C1orf74: variants seen among roughly 807,000 people sequenced by gnomAD.
The protein encoded by C1orf74 is chromosome 1 open reading frame 74.
A neutral mutation model predicts 7.3 loss-of-function variants in C1orf74; 5 were observed. The observed-to-expected ratio is 0.68, with a 90% CI of 0.36 to 1.44. C1orf74 has a LOEUF of 1.44. C1orf74 is among the 40% of genes most tolerant of loss of function. C1orf74 has a pLI of 0.04. For missense variants in C1orf74, 291 were observed against 314.3 expected (o/e 0.93, Z 0.56); for synonymous variants, 121 against 132.5 (o/e 0.91, Z 0.59).
In C1orf74 at chr1:209,780,566, T is replaced by C; in HGVS notation, c.*2259A>G. The C allele has an allele frequency of 6.2e-7, 1 of 1,600,570 alleles. No homozygotes were observed. The highest frequency in any genetic ancestry group is 1.1e-5 in the South Asian group (1 of 89,366). ...AAAGACTGGGATCTCAGAGACCAGC[T>C]GCAAAAGAAGACTTTGCAGCTCCAG... On this transcript the variant is annotated 3_prime_UTR_variant, in exon 2 of 2. Transcript: ENST00000294811.
In C1orf74 at chr1:209,781,973, G is replaced by T; in HGVS notation, c.*852C>A. The T allele has an allele frequency of 1.7e-6, 2 of 1,149,388 alleles. No individual in the cohort carries two copies. Among genetic ancestry groups the T allele is most frequent in the East Asian group, 2.4e-5 (1 of 42,434 alleles). 71.2% of individuals were successfully genotyped at this position (1,149,388 alleles called of 1,614,324 possible). A position where few individuals can be genotyped will look rare whatever the true frequency, so the allele number is the denominator to read the frequency against. On this transcript the variant is annotated 3_prime_UTR_variant, in exon 2 of 2. Transcript: ENST00000294811. ...CAACCCAGCGTTTTCCACTGGGCTA[G>T]AGTAGGAAGAAGAAAGATTTTTGCC...
rs2077799777 is a variant in C1orf74 at position 209,782,342 on chromosome 1, A to C, written c.*483T>G. 1 of 580,592 alleles carries C rather than the reference A, an allele frequency of 1.7e-6. No homozygotes were observed. Among genetic ancestry groups the C allele is most frequent in the Non-Finnish European group, 3.1e-6 (1 of 322,888 alleles). The allele number at this position is 580,592 out of a possible 1,614,324, so 36.0% of individuals were successfully genotyped here. ...CTCAGAACTCTCAGTTTATTCCTGA[A>C]TGGTGTATTACATTAACAAGTATCA... On this transcript the variant is annotated 3_prime_UTR_variant, in exon 2 of 2. Coordinates refer to ENST00000294811, the MANE Select transcript of C1orf74 (RefSeq NM_152485.4).
In C1orf74 at chr1:209,780,525, G is replaced by A; in HGVS notation, c.*2300C>T. The A allele has an allele frequency of 1.2e-6, 2 of 1,604,286 alleles. No individual in the cohort carries two copies. Among genetic ancestry groups the A allele is most frequent in the South Asian group, 1.1e-5 (1 of 89,828 alleles). ...CCTTCCCTAACGAAGTGGAGCCTGA[G>A]GGTACAGGGAAGGAGAAAGACTGGG... On this transcript the variant is annotated 3_prime_UTR_variant, in exon 2 of 2. Coordinates refer to ENST00000294811, the MANE Select transcript of C1orf74 (RefSeq NM_152485.4).
chr1:209,784,182 C>A (rs2102530441), intron 1 of C1orf74, among the ~76,000 whole-genome samples, 196 bp downstream of exon 1: 1 of 152,276 alleles, frequency 6.6e-6, no homozygotes, highest in Non-Finnish European at 1.5e-5. Context: ...AACCATCTCA[C>A]CCTGACACAT....
In C1orf74 at chr1:209,781,748, G is replaced by A. The variant is rs1224131377; in HGVS notation, c.*1077C>T. On this transcript the variant is annotated 3_prime_UTR_variant, in exon 2 of 2. Transcript: ENST00000294811. ...GATAAGCATGGTGGCAAGAACAGAA[G>A]GACACAAAAGTACTGGGGAATACAA... 6.2e-6 allele frequency: 3 copies of A among 483,666 alleles called. No individual in the cohort carries two copies. Among genetic ancestry groups the A allele is most frequent in the East Asian group, 7.3e-5 (2 of 27,538 alleles). 30.0% of individuals were successfully genotyped at this position (483,666 alleles called of 1,614,324 possible). A position where few individuals can be genotyped will look rare whatever the true frequency, so the allele number is the denominator to read the frequency against.
rs370271066 is a variant in C1orf74, at chr1:209,781,333, T to C, written c.*1492A>G. ...GAAGTGACAGTGATGACTTTGGTGA[T>C]GTTCTCCCCAGTGCAGAGAACTGCA... On this transcript the variant is annotated 3_prime_UTR_variant, in exon 2 of 2. Coordinates refer to ENST00000294811, the MANE Select transcript of C1orf74 (RefSeq NM_152485.4). The C allele has an allele frequency of 1.4e-5, 22 of 1,571,950 alleles. No individual in the cohort carries two copies. The highest frequency in any genetic ancestry group is 1.9e-5 in the Non-Finnish European group (22 of 1,142,984).
In C1orf74 at chr1:209,780,304, G is replaced by T; in HGVS notation, c.*2521C>A. ...CCAGCTGTCTGTCCAAGCTTAGCAG[G>T]GGCCTACTGGAAGTTAACCTTTATG... On this transcript the variant is annotated 3_prime_UTR_variant, in exon 2 of 2. Transcript: ENST00000294811. 1.9e-6 allele frequency: 1 copy of T among 516,088 alleles called. No homozygotes were observed. Among genetic ancestry groups the T allele is most frequent in the Non-Finnish European group, 3.2e-6 (1 of 312,812 alleles). 32.0% of individuals were successfully genotyped at this position (516,088 alleles called of 1,614,324 possible).
Position 209,781,834 on chromosome 1 carries a change from A to G in C1orf74, c.*991T>C, listed in dbSNP as rs1381561635. ...CTTCATTATTCATATCAGTATTTAT[A>G]TATCTGGTCCCTGATGGATACGGCT... is the stretch of plus-strand genomic sequence containing the variant. On this transcript the variant is annotated 3_prime_UTR_variant, in exon 2 of 2. Transcript: ENST00000294811. 3.5e-6 allele frequency: 2 copies of G among 564,214 alleles called. No homozygotes were observed. The highest frequency in any genetic ancestry group is 6.3e-6 in the Non-Finnish European group (2 of 315,260). The allele number at this position is 564,214 out of a possible 1,614,324, so 35.0% of individuals were successfully genotyped here.
rs1477478058 is a variant in C1orf74, at chr1:209,780,925, AAAGAGT to A, written c.*1894_*1899del. On this transcript the variant is annotated 3_prime_UTR_variant, in exon 2 of 2. Coordinates refer to ENST00000294811, the MANE Select transcript of C1orf74 (RefSeq NM_152485.4). ...TATCTTAAGTCTTTATATGTCTCTT[AAAGAGT>A]AAAACTCTTCCTTTGTACATACTCA... is the stretch of plus-strand genomic sequence containing the variant. 1.1e-5 allele frequency: 2 copies of A among 189,034 alleles called. No individual in the cohort carries two copies. Among genetic ancestry groups the A allele is most frequent in the Non-Finnish European group, 2.2e-5 (2 of 91,454 alleles). 11.7% of individuals were successfully genotyped at this position (189,034 alleles called of 1,614,324 possible). A position where few individuals can be genotyped will look rare whatever the true frequency, so the allele number is the denominator to read the frequency against.
At position 209,783,054 on chromosome 1, in the gene C1orf74, C is replaced by T. The variant is rs141586492; in HGVS notation, c.581G>A (p.Cys194Tyr). 659 of 1,614,052 alleles carry T rather than the reference C, an allele frequency of 4.1e-4. No individual in the cohort carries two copies. The highest frequency in any genetic ancestry group is 5.2e-4 in the Admixed American group (31 of 59,998). ...TFHLNQGDDN[C>Y]LALTPLRVFT... ...TACTCGTAGTGGAGTCAGAGCTAAG[C>T]AGTTGTCATCTCCCTGGTTCAGGTG... The change falls in exon 2 of 2, where the codon TGC (cysteine) becomes TAC (tyrosine). Residue 194 changes from cysteine (C) to tyrosine (Y), a missense_variant. Cys to Tyr is a radical substitution (Grantham distance 194). Coordinates refer to ENST00000294811, the MANE Select transcript of C1orf74 (RefSeq NM_152485.4).
At position 209,779,449 on chromosome 1, in the gene C1orf74, C is replaced by T. The variant is rs1297662193; in HGVS notation, c.*3376G>A. 2.3e-5 allele frequency: 30 copies of T among 1,315,024 alleles called. No homozygotes were observed. Among genetic ancestry groups the T allele is most frequent in the East Asian group, 4.6e-5 (2 of 43,050 alleles). The allele number at this position is 1,315,024 out of a possible 1,614,324, so 81.5% of individuals were successfully genotyped here. On this transcript the variant is annotated 3_prime_UTR_variant, in exon 2 of 2. Coordinates refer to ENST00000294811, the MANE Select transcript of C1orf74 (RefSeq NM_152485.4). Reference sequence around the variant, plus strand: ...TGCCTAGAGGCAGCGGGATGGACTACATGACCTCCTGGAGTCCCAGCCAGT... The same window carrying T: ...TGCCTAGAGGCAGCGGGATGGACTATATGACCTCCTGGAGTCCCAGCCAGT...
chr1:209,781,776 A>G lies in C1orf74; in HGVS notation c.*1049T>C. On this transcript the variant is annotated 3_prime_UTR_variant, in exon 2 of 2. Transcript: ENST00000294811. ...CACAAAAGTACTGGGGAATACAAAG[A>G]AAGAATATAATTTTGCTGGGTTATT... is the stretch of plus-strand genomic sequence containing the variant. The G allele has an allele frequency of 2.0e-6, 1 of 499,632 alleles. No individual in the cohort carries two copies. The highest frequency in any genetic ancestry group is 3.4e-5 in the East Asian group (1 of 29,092). 30.9% of individuals were successfully genotyped at this position (499,632 alleles called of 1,614,324 possible).
chr1:209,783,688 A>G lies in C1orf74; in HGVS notation c.-54T>C. 1 of 1,443,900 alleles carries G rather than the reference A, an allele frequency of 6.9e-7. No individual in the cohort carries two copies. The highest frequency in any genetic ancestry group is 1.4e-5 in the South Asian group (1 of 74,010). 89.4% of individuals were successfully genotyped at this position (1,443,900 alleles called of 1,614,324 possible). ...TTCCCTTCCCTGGGTGGCATCTTTC[A>G]GCCAGACACTTGAGGAGGGGCCTAG... On this transcript the variant is annotated 5_prime_UTR_variant, in exon 2 of 2. Coordinates refer to ENST00000294811, the MANE Select transcript of C1orf74 (RefSeq NM_152485.4).
chr1:209,781,533 A>T lies in C1orf74; in HGVS notation c.*1292T>A, dbSNP rs915431413. 1.4e-5 allele frequency: 16 copies of T among 1,116,908 alleles called. No homozygotes were observed. The highest frequency in any genetic ancestry group is 2.0e-5 in the Non-Finnish European group (15 of 736,050). 69.2% of individuals were successfully genotyped at this position (1,116,908 alleles called of 1,614,324 possible). A position where few individuals can be genotyped will look rare whatever the true frequency, so the allele number is the denominator to read the frequency against. ...TTCTTTAACCAAGTTTTGCACATAA[A>T]ATATATCAGCCCACGCCAACAACTG... is the stretch of plus-strand genomic sequence containing the variant. On this transcript the variant is annotated 3_prime_UTR_variant, in exon 2 of 2. Transcript: ENST00000294811.
chr1:209,780,692 G>A lies in C1orf74; in HGVS notation c.*2133C>T, dbSNP rs1220609175. ...GCAGTCAAAAAGCAGGGATTTCAAA[G>A]TTTAAGTTGTGAGTGGATAACCACA... On this transcript the variant is annotated 3_prime_UTR_variant, in exon 2 of 2. Transcript: ENST00000294811. The A allele has an allele frequency of 7.6e-7, 1 of 1,317,300 alleles. No individual in the cohort carries two copies. The highest frequency in any genetic ancestry group is 1.0e-6 in the Non-Finnish European group (1 of 998,736). 81.6% of individuals were successfully genotyped at this position (1,317,300 alleles called of 1,614,324 possible).
In C1orf74 at chr1:209,779,604, C is replaced by G; in HGVS notation, c.*3221G>C. 1 of 652,486 alleles carries G rather than the reference C, an allele frequency of 1.5e-6. No individual in the cohort carries two copies. Among genetic ancestry groups the G allele is most frequent in the Non-Finnish European group, 2.8e-6 (1 of 357,910 alleles). 40.4% of individuals were successfully genotyped at this position (652,486 alleles called of 1,614,324 possible). ...CTGTGAAAAAGGGTTTCTATTCTCT[C>G]TGAAAGCACATGTCTGTGTTGAACA... On this transcript the variant is annotated 3_prime_UTR_variant, in exon 2 of 2. Coordinates refer to ENST00000294811, the MANE Select transcript of C1orf74 (RefSeq NM_152485.4).
Position 209,783,240 on chromosome 1 carries a change from A to C in C1orf74, c.395T>G (p.Leu132Arg), listed in dbSNP as rs923385440. 14 of 1,614,034 alleles carry C rather than the reference A, an allele frequency of 8.7e-6. No individual in the cohort carries two copies. Among genetic ancestry groups the C allele is most frequent in the Non-Finnish European group, 1.2e-5 (14 of 1,180,030 alleles). ...AGCCACGAGGGCCTTCAAGTCCTGA[A>C]GCTGGTCCAGGGAGCAGACAGAAGG... Reference protein sequence around the residue: ...RHPSVCSLDQLQDLKALVAEI... With the variant: ...RHPSVCSLDQRQDLKALVAEI... The change falls in exon 2 of 2, where the codon CTT (leucine) becomes CGT (arginine). Residue 132 changes from leucine (L) to arginine (R), a missense_variant. Transcript: ENST00000294811.
chr1:209,783,221 G>A lies in C1orf74; in HGVS notation c.414C>T (p.Leu138=), dbSNP rs1397787072. ...GCAAATGTGTGATGATCTCAGCCACGAGGGCCTTCAAGTCCTGAAGCTGGT... is the reference window on the plus strand; with the variant it reads ...GCAAATGTGTGATGATCTCAGCCACAAGGGCCTTCAAGTCCTGAAGCTGGT... ...SLDQLQDLKA[L]VAEIITHLQG... The change falls in exon 2 of 2, where the codon CTC becomes CTT. Residue 138 remains leucine, a synonymous_variant. Transcript: ENST00000294811. 6.2e-6 allele frequency: 10 copies of A among 1,614,142 alleles called. No homozygotes were observed. Among genetic ancestry groups the A allele is most frequent in the African/African-American group, 1.3e-5 (1 of 74,998 alleles).
In C1orf74 at chr1:209,779,442, T is replaced by G. The variant is rs762616466; in HGVS notation, c.*3383A>C. On this transcript the variant is annotated 3_prime_UTR_variant, in exon 2 of 2. Coordinates refer to ENST00000294811, the MANE Select transcript of C1orf74 (RefSeq NM_152485.4). ...TCTTACCTGCCTAGAGGCAGCGGGA[T>G]GGACTACATGACCTCCTGGAGTCCC... The G allele has an allele frequency of 7.2e-7, 1 of 1,381,674 alleles. No individual in the cohort carries two copies. The highest frequency in any genetic ancestry group is 2.3e-5 in the East Asian group (1 of 43,514). 85.6% of individuals were successfully genotyped at this position (1,381,674 alleles called of 1,614,324 possible).
Sources: gnomAD v4.1 joint callset for allele counts (sites outside exome capture counted in the v4.1 genomes callset) on GRCh38, gnomAD v4.1.1 for gene constraint, MANE v1.5 for transcripts, NCBI Gene and HGNC (gene_info 2026-07-23, HGNC 2026-07-21) for gene names.